Variants in TG observed in about 807,000 individuals in gnomAD.
The protein encoded by TG is thyroid hormones.
A neutral mutation model predicts 324.7 loss-of-function variants in TG; 270 were observed. That is an observed-to-expected ratio of 0.83 (90% CI 0.75 to 0.92). The LOEUF is 0.92. Among genes scored for constraint, TG ranks in the 40% least tolerant of loss-of-function variants. The pLI is 0.00. For synonymous variants in TG, 1,401 were observed against 1,327.0 expected (o/e 1.06, Z -1.21); for missense variants, 3,591 against 3,456.4 (o/e 1.04, Z -0.98).
intron 40 of TG, among the ~76,000 whole-genome samples, chr8:133,026,456 C>T (rs1817641424): frequency 6.6e-6 from 1 of 152,190 alleles, no homozygotes; most frequent in Non-Finnish European, 1.5e-5. Context: ...GAAGGGAGGC[C>T]ATTTCCCCAA....
At chr8:133,059,018 G>A in intron 41 of TG, 1 of 459,880 alleles carries the variant, frequency 2.2e-6, no homozygotes, top group African/African-American at 2.0e-5. Context: ...CAGTGAGAAG[G>A]CTCCTTTGTG....
At chr8:132,994,838 T>G in intron 35 of TG, 2 of 1,273,982 alleles carry the variant, frequency 1.6e-6, no homozygotes, top group Non-Finnish European at 2.0e-6. Context: ...AGGGGCTGGG[T>G]CAGATGATGG....
chr8:132,928,400 A>G (rs1311673219), intron 22 of TG, among the ~76,000 whole-genome samples: 1 of 152,190 alleles, frequency 6.6e-6, no homozygotes, highest in Non-Finnish European at 1.5e-5. Flanking sequence ...GGTGAATCTC[A>G]TTCCTTGAGA....
At chr8:132,973,029 C>G (rs1829743977) in intron 34 of TG, among the ~76,000 whole-genome samples, 1 of 152,290 alleles carries the variant, frequency 6.6e-6, no homozygotes, top group Admixed American at 6.5e-5. Context: ...GTGCCATGAT[C>G]ATCATTAATC....
rs914682733 is a variant in TG, at chr8:132,996,118, T to C, written c.6262+12706T>C. ...GCTCACCGGTCACAAGTTGTGATCTTGGCCATATTATGTAGCACCTCTGAG... is the reference window on the plus strand; with the variant it reads ...GCTCACCGGTCACAAGTTGTGATCTCGGCCATATTATGTAGCACCTCTGAG... On this transcript the variant is annotated intron_variant, in intron 35 of 47. Coordinates refer to ENST00000220616, the MANE Select transcript of TG (RefSeq NM_003235.5). 2.0e-5 allele frequency among the ~76,000 whole-genome samples: 3 copies of C among 152,338 alleles called. No homozygotes were observed. The East Asian group carries it at 5.8e-4, about 29-fold the overall frequency.
intron 41 of TG, among the ~76,000 whole-genome samples, chr8:133,076,451 C>T (rs1250591812): frequency 6.6e-6 from 1 of 152,204 alleles, no homozygotes; most frequent in Admixed American, 6.5e-5. Context: ...CTTGTGAAAA[C>T]ACCCGCTCAA....
At position 132,898,786 on chromosome 8, in the gene TG, T is replaced by C; in HGVS notation, c.3218-12T>C. ...ACGACCAGTCCTTTACAAGCACCTCTCTCTCCCACAGGCCCGACAACCTGC... is the reference window on the plus strand; with the variant it reads ...ACGACCAGTCCTTTACAAGCACCTCCCTCTCCCACAGGCCCGACAACCTGC... On this transcript the variant is annotated splice_polypyrimidine_tract_variant and intron_variant, in intron 13 of 47. Transcript: ENST00000220616. 2 of 1,613,290 alleles carry C rather than the reference T, an allele frequency of 1.2e-6. No homozygotes were observed. The highest frequency in any genetic ancestry group is 1.7e-6 in the Non-Finnish European group (2 of 1,179,562).
intron 47 of TG, among the ~76,000 whole-genome samples, chr8:133,133,868 A>G (rs62513974): frequency 0.012 from 1,824 of 152,328 alleles, 21 homozygotes; most frequent in Non-Finnish European, 0.017. Context: ...GAAGGAAAAG[A>G]AAGAGAGGCA....
chr8:132,994,694 A>G, intron 35 of TG: 2 of 1,288,308 alleles, frequency 1.6e-6, no homozygotes, highest in Non-Finnish European at 2.0e-6. Context: ...TTATTACAGA[A>G]GCATCTACCT....
chr8:133,038,509 T>TG (rs1464484438), intron 41 of TG: 1 of 1,580,638 alleles, frequency 6.3e-7, no homozygotes, highest in Non-Finnish European at 8.7e-7. Flanking sequence ...CATGAACCAT[T>TG]GTGTCTGTTC....
At chr8:133,041,131 C>T (rs1838143835) in intron 41 of TG, among the ~76,000 whole-genome samples, 1 of 152,230 alleles carries the variant, frequency 6.6e-6, no homozygotes, top group South Asian at 2.1e-4. Flanking sequence ...AGTGCTTCTC[C>T]TGTGCCCTGG....
rs202247174 is a variant in TG at position 132,967,778 on chromosome 8, A to G, written c.5687-16A>G. 5 of 1,612,718 alleles carry G rather than the reference A, an allele frequency of 3.1e-6. No individual in the cohort carries two copies. The African/African-American group carries it at 5.4e-5, about 17-fold the overall frequency. ...ACCCCACAAAAACTAAAATCACACT[A>G]CTCTCTTGCCTGTAGGTTGTGTGCA... is the stretch of plus-strand genomic sequence containing the variant. On this transcript the variant is annotated splice_polypyrimidine_tract_variant and intron_variant, in intron 30 of 47. Transcript: ENST00000220616.
chr8:133,017,855 C>G lies in TG; in HGVS notation c.6640C>G (p.Gln2214Glu), dbSNP rs765513775. The change falls in exon 38 of 48, where the codon CAG (glutamine) becomes GAG (glutamate). Residue 2214 changes from glutamine (Q) to glutamate (E), a missense_variant. By Grantham distance (29) the Gln-to-Glu change is conservative. Transcript: ENST00000220616. ...STHGRLLGRS[Q>E]AIQVGTSWKQ... ...CCATGGCCGGCTGCTGGGCAGGTCC[C>G]AGGCCATCCAGGTGGGTACCTCATG... The G allele has an allele frequency of 2.5e-6, 4 of 1,614,074 alleles. No individual in the cohort carries two copies. Among genetic ancestry groups the G allele is most frequent in the Admixed American group, 3.3e-5 (2 of 60,010 alleles).
At chr8:133,111,215 G>A (rs895830515) in intron 43 of TG, among the ~76,000 whole-genome samples, 4 of 152,034 alleles carry the variant, frequency 2.6e-5, no homozygotes, top group African/African-American at 9.7e-5. Context: ...TTATAACTGG[G>A]GGAACGAGCC....
At chr8:133,077,630 G>A (rs989870739) in intron 41 of TG, among the ~76,000 whole-genome samples, 8 of 152,176 alleles carry the variant, frequency 5.3e-5, no homozygotes, top group Admixed American at 3.3e-4. Flanking sequence ...CCGATGCCAC[G>A]CTAGACAGGT....
chr8:132,995,649 C>A, intron 35 of TG: 1 of 442,948 alleles, frequency 2.3e-6, no homozygotes, highest in Non-Finnish European at 3.0e-6. Context: ...TGTACTCTCT[C>A]CATGTAGCTT....
chr8:133,016,334 G>A (rs139642984), intron 37 of TG, among the ~76,000 whole-genome samples: 49 of 152,268 alleles, frequency 3.2e-4, no homozygotes, highest in Non-Finnish European at 4.7e-4. Flanking sequence ...CCTACTGTAG[G>A]ATGTCTAACA....
chr8:133,051,814 A>C (rs1172256989), intron 41 of TG, among the ~76,000 whole-genome samples: 4 of 152,208 alleles, frequency 2.6e-5, no homozygotes, highest in African/African-American at 9.7e-5. Flanking sequence ...GTATCAGCAA[A>C]TACAGTTATT....
rs112691111 is a variant in TG, at chr8:132,963,223, C to T, written c.5548+149C>T. 38 of 832,564 alleles carry T rather than the reference C, an allele frequency of 4.6e-5. No individual in the cohort carries two copies. In the East Asian group the frequency reaches 9.6e-4, roughly 21 times the overall value. The allele number at this position is 832,564 out of a possible 1,614,324, so 51.6% of individuals were successfully genotyped here. A position where few individuals can be genotyped will look rare whatever the true frequency, so the allele number is the denominator to read the frequency against. On this transcript the variant is annotated intron_variant, in intron 29 of 47. Transcript: ENST00000220616. ...CCTTTAATCTTTTAACCCAATTATCCAGCTCATAAATATGGGAAGCTCCTC... is the reference window on the plus strand; with the variant it reads ...CCTTTAATCTTTTAACCCAATTATCTAGCTCATAAATATGGGAAGCTCCTC...
Sources: gnomAD v4.1 joint callset for allele counts (sites outside exome capture counted in the v4.1 genomes callset) on GRCh38, gnomAD v4.1.1 for gene constraint, MANE v1.5 for transcripts, NCBI Gene and HGNC (gene_info 2026-07-23, HGNC 2026-07-21) for gene names.